The following ASH1L variants were observed in gnomAD, a reference collection of about 807,000 sequenced individuals.
ASH1L encodes ASH1 like histone lysine methyltransferase.
ASH1L carries 23 observed loss-of-function variants against 269.0 expected under a neutral mutation model. The observed-to-expected ratio is 0.09, with a 90% CI of 0.06 to 0.12. The LOEUF (loss-of-function observed/expected upper bound fraction) is 0.12. Ranked by LOEUF, ASH1L falls within the 10% of genes least tolerant of loss-of-function variation. The pLI, the probability that ASH1L is intolerant of heterozygous loss-of-function variation, is 1.00. For synonymous variants in ASH1L, 1,187 were observed against 1,253.5 expected (o/e 0.95, Z 1.12); for missense variants, 2,912 against 3,567.8 (o/e 0.82, Z 4.68).
chr1:155,433,492 G>C (rs776875070), intron 5 of ASH1L: 1 of 1,610,368 alleles, frequency 6.2e-7, no homozygotes, highest in Admixed American at 1.7e-5. Flanking sequence ...TCAGGGTGGA[G>C]AGCAACTCCG....
intron 10 of ASH1L, among the ~76,000 whole-genome samples, chr1:155,378,022 CAAAAA>C (rs535973116): frequency 7.9e-5 from 9 of 113,992 alleles, no homozygotes; most frequent in African/African-American, 2.8e-4. Flanking sequence ...GACTCCGTCT[CAAAAA>C]AAAAACAAAA....
At chr1:155,477,654 T>C (rs1665657627) in intron 3 of ASH1L, among the ~76,000 whole-genome samples, 1 of 152,182 alleles carries the variant, frequency 6.6e-6, no homozygotes, top group Admixed American at 6.5e-5. Flanking sequence ...AAAAGTTATG[T>C]ATATTTCTTT....
Position 155,481,405 on chromosome 1 carries a change from T to G in ASH1L, c.1465A>C (p.Asn489His), listed in dbSNP as rs763106616. ...EKFSVRKEII[N>H]LEKEMFNEGT... Reference sequence around the variant, plus strand: ...TCATTAAACATTTCTTTCTCCAAATTAATGATTTCTTTTCGTACTGAGAAC... The same window carrying G: ...TCATTAAACATTTCTTTCTCCAAATGAATGATTTCTTTTCGTACTGAGAAC... Residue 489 changes from asparagine (N) to histidine (H), a missense_variant, in exon 3 of 28, where the codon AAT becomes CAT. Physicochemically the swap from Asn to His is moderately conservative, Grantham distance 68 (BLOSUM62 1). Coordinates refer to ENST00000392403, the MANE Select transcript of ASH1L (RefSeq NM_018489.3). 3.7e-6 allele frequency: 6 copies of G among 1,613,926 alleles called. No homozygotes were observed. The highest frequency in any genetic ancestry group is 5.1e-6 in the Non-Finnish European group (6 of 1,179,986).
At chr1:155,384,391 T>C (rs1657233140) in intron 7 of ASH1L, among the ~76,000 whole-genome samples, 1 of 152,224 alleles carries the variant, frequency 6.6e-6, no homozygotes, top group Non-Finnish European at 1.5e-5. Context: ...TTGGCCTCCA[T>C]AGATTCAGAT....
At chr1:155,409,564 CA>C (rs1208603540) in intron 6 of ASH1L, among the ~76,000 whole-genome samples, 1 of 151,968 alleles carries the variant, frequency 6.6e-6, no homozygotes, top group Non-Finnish European at 1.5e-5. Flanking sequence ...AAGTGGGATG[CA>C]AAAAGAAGTA....
chr1:155,479,345 A>C lies in ASH1L; in HGVS notation c.3525T>G (p.Ser1175Arg). Residue 1175 changes from serine to arginine, a missense_variant, in exon 3 of 28, where the codon AGT becomes AGG. Coordinates refer to ENST00000392403, the MANE Select transcript of ASH1L (RefSeq NM_018489.3). Reference protein sequence around the residue: ...TLLPNSPSHLSELTSLKEATP... With the variant: ...TLLPNSPSHLRELTSLKEATP... ...TAGCTTCTTTTAGAGATGTGAGTTCACTCAAGTGCGAAGGAGAATTTGGCA... is the reference window on the plus strand; with the variant it reads ...TAGCTTCTTTTAGAGATGTGAGTTCCCTCAAGTGCGAAGGAGAATTTGGCA... The C allele has an allele frequency of 6.2e-7, 1 of 1,614,086 alleles. No homozygotes were observed.
chr1:155,528,435 CT>C (rs55750350), intron 1 of ASH1L, among the ~76,000 whole-genome samples: 6,117 of 143,608 alleles, frequency 0.043, 364 homozygotes, highest in African/African-American at 0.14. Context: ...ATTGCAATAG[CT>C]TTTTTTTTTT....
At chr1:155,430,100 C>T (rs755686837) in intron 5 of ASH1L, among the ~76,000 whole-genome samples, 3 of 152,062 alleles carry the variant, frequency 2.0e-5, no homozygotes, top group South Asian at 4.1e-4. Flanking sequence ...CTCAGCCTCC[C>T]GAGTAGCTGG....
chr1:155,343,329 A>T lies in ASH1L; in HGVS notation c.8278T>A (p.Tyr2760Asn). The change falls in exon 24 of 28, where the codon TAT becomes AAT. Residue 2760 changes from tyrosine to asparagine, a missense_variant. Coordinates refer to ENST00000392403, the MANE Select transcript of ASH1L (RefSeq NM_018489.3). This position sits in a 1 kb window ranked among gnomAD's most constrained non-coding sequence, Gnocchi z 6.1. The stretch of plus-strand genomic sequence containing the variant: ...GATCACTTACCTTTACAATACGTAT[A>T]AAGGTCCAACACACAGCAGGTCCCC... ...VVGTCCVLDL[Y>N]TYCKGRPKGV... is the part of the protein sequence containing the mutation. 6.2e-7 allele frequency: 1 copy of T among 1,613,502 alleles called. No individual in the cohort carries two copies. The highest frequency in any genetic ancestry group is 8.5e-7 in the Non-Finnish European group (1 of 1,179,716).
chr1:155,357,044 T>C (rs1020858796), intron 15 of ASH1L, among the ~76,000 whole-genome samples: 1 of 135,482 alleles, frequency 7.4e-6, no homozygotes, highest in Non-Finnish European at 1.5e-5. Context: ...GGCCTCTGTA[T>C]TCCAGCCTGG....
At chr1:155,358,408 C>T (rs1654606748) in intron 13 of ASH1L, among the ~76,000 whole-genome samples, 1 of 151,896 alleles carries the variant, frequency 6.6e-6, no homozygotes, top group African/African-American at 2.4e-5. Context: ...TTAAAAAGGC[C>T]AGGCATGGTG....
At chr1:155,422,768 G>A (rs1275991022) in intron 5 of ASH1L, among the ~76,000 whole-genome samples, 7 of 151,288 alleles carry the variant, frequency 4.6e-5, no homozygotes, top group African/African-American at 1.5e-4. Context: ...TCCTGCCTCA[G>A]CTTCCTGAAG....
At chr1:155,410,619 C>T (rs1272198358) in intron 6 of ASH1L, among the ~76,000 whole-genome samples, 9 of 152,082 alleles carry the variant, frequency 5.9e-5, no homozygotes, top group African/African-American at 1.7e-4. Flanking sequence ...GGATTACAGG[C>T]GTGAGCAATC....
chr1:155,478,724 A>G lies in ASH1L; in HGVS notation c.4146T>C (p.Tyr1382=), dbSNP rs765194676. 20 of 1,613,994 alleles carry G rather than the reference A, an allele frequency of 1.2e-5. No individual in the cohort carries two copies. The highest frequency in any genetic ancestry group is 1.6e-5 in the Non-Finnish European group (19 of 1,180,040). The change falls in exon 3 of 28, where the codon TAT becomes TAC. Residue 1382 remains tyrosine (Y), a synonymous_variant. Coordinates refer to ENST00000392403, the MANE Select transcript of ASH1L (RefSeq NM_018489.3). This position sits in a 1 kb window ranked among gnomAD's most constrained non-coding sequence, Gnocchi z 4.6. ...PLSSTGFYPS[Y]GMPYSPSPLT... ...GGGGTGAAGGAGAGTAAGGCATACCATAAGATGGATAGAATCCAGTACTAG... is the reference window on the plus strand; with the variant it reads ...GGGGTGAAGGAGAGTAAGGCATACCGTAAGATGGATAGAATCCAGTACTAG...
intron 27 of ASH1L, 147 bp downstream of exon 27, chr1:155,337,942 C>G (rs1652450040): frequency 9.7e-7 from 1 of 1,031,588 alleles, no homozygotes; most frequent in Non-Finnish European, 1.4e-6. Flanking sequence ...GTTTCACTAC[C>G]AAGATACAAC....
chr1:155,508,702 G>C (rs1306955266), intron 2 of ASH1L, among the ~76,000 whole-genome samples: 1 of 152,114 alleles, frequency 6.6e-6, no homozygotes, highest in Non-Finnish European at 1.5e-5. Flanking sequence ...TTTCTACTTA[G>C]AGCAATATGC....
rs577079618 is a variant in ASH1L, at chr1:155,560,542, C to T, written c.-100+1611G>A. Among the ~76,000 whole-genome samples, 72 of 152,180 alleles carry T rather than the reference C, an allele frequency of 4.7e-4. 1 individual carries two copies. Among genetic ancestry groups the T allele is most frequent in the African/African-American group, 1.6e-3 (68 of 41,494 alleles). Reference sequence around the variant, plus strand: ...CAGTTCTCTGGTTTTAATTCCACACCGCCTCCCTCAACTTAATACCCACCA... The same window carrying T: ...CAGTTCTCTGGTTTTAATTCCACACTGCCTCCCTCAACTTAATACCCACCA... On this transcript the variant is annotated intron_variant, in intron 1 of 27. Coordinates refer to ENST00000392403, the MANE Select transcript of ASH1L (RefSeq NM_018489.3).
chr1:155,486,995 G>A (rs553458180), intron 2 of ASH1L, among the ~76,000 whole-genome samples: 9 of 152,060 alleles, frequency 5.9e-5, no homozygotes, highest in African/African-American at 1.2e-4. Flanking sequence ...GAGAAACCCC[G>A]TCTGAAATGA....
chr1:155,513,290 A>G (rs1321891132), intron 2 of ASH1L, among the ~76,000 whole-genome samples: 1 of 151,792 alleles, frequency 6.6e-6, no homozygotes, highest in Non-Finnish European at 1.5e-5. Flanking sequence ...TGCCCCAGCC[A>G]GGCACAGTGG....
Sources: allele counts gnomAD v4.1 joint callset (sites outside exome capture counted in the v4.1 genomes callset), GRCh38; gene constraint gnomAD v4.1.1; non-coding constraint Gnocchi (gnomAD v3.1); transcripts MANE v1.5; gene names NCBI Gene and HGNC (gene_info 2026-07-23, HGNC 2026-07-21).